The following LRRTM4 variants were observed in gnomAD, a reference collection of about 807,000 sequenced individuals.
The protein encoded by LRRTM4 is leucine rich repeat transmembrane neuronal 4, also known as leucine-rich repeat transmembrane neuronal protein 4.
A neutral mutation model predicts 47.6 loss-of-function variants in LRRTM4; 25 were observed. The ratio of observed to expected loss-of-function variants is 0.53; its 90% CI spans 0.38 to 0.73. LRRTM4 has a LOEUF of 0.73. Among genes scored for constraint, LRRTM4 ranks in the 30% least tolerant of loss-of-function variants. LRRTM4 has a pLI of 0.00. For missense variants in LRRTM4, 638 were observed against 713.4 expected (o/e 0.89, Z 1.20); for synonymous variants, 311 against 269.5 (o/e 1.15, Z -1.51).
chr2:77,104,010 A>G (rs923503437), intron 3 of LRRTM4, among the ~76,000 whole-genome samples: 1 of 152,190 alleles, frequency 6.6e-6, no homozygotes, highest in Non-Finnish European at 1.5e-5. Context: ...TTTTACTTGA[A>G]TATCTAATAG....
At chr2:76,886,742 A>T (rs773123889) in intron 3 of LRRTM4, among the ~76,000 whole-genome samples, 48 of 152,044 alleles carry the variant, frequency 3.2e-4, no homozygotes, top group Non-Finnish European at 6.5e-4. Flanking sequence ...ATGAAGAAAA[A>T]TATTAAATGC....
chr2:77,203,670 T>C (rs1240311432), intron 3 of LRRTM4, among the ~76,000 whole-genome samples: 3 of 152,150 alleles, frequency 2.0e-5, no homozygotes, highest in Non-Finnish European at 4.4e-5. Flanking sequence ...GCCTTTAAGC[T>C]CTGGAGAGTG....
chr2:77,287,222 G>A (rs955724078), intron 3 of LRRTM4, among the ~76,000 whole-genome samples: 31 of 151,884 alleles, frequency 2.0e-4, no homozygotes, highest in Non-Finnish European at 4.4e-5. Context: ...TTCAGGGAGA[G>A]AACTAGCACT....
At chr2:77,299,598 C>T (rs1302141326) in intron 3 of LRRTM4, among the ~76,000 whole-genome samples, 1 of 151,940 alleles carries the variant, frequency 6.6e-6, no homozygotes, top group Non-Finnish European at 1.5e-5. Flanking sequence ...TAGCAGAACG[C>T]TTGTTTATTT....
intron 3 of LRRTM4, among the ~76,000 whole-genome samples, chr2:76,915,038 C>T (rs17405433): frequency 0.14 from 21,858 of 152,162 alleles, 1,985 homozygotes; most frequent in Admixed American, 0.22. Flanking sequence ...GAGTGCCATT[C>T]AAGCATCAGA....
chr2:77,105,713 A>G (rs1056963705), intron 3 of LRRTM4, among the ~76,000 whole-genome samples: 5 of 152,228 alleles, frequency 3.3e-5, no homozygotes, highest in South Asian at 4.1e-4. Flanking sequence ...TTACAGAAAT[A>G]ATGACAAAAT....
intron 3 of LRRTM4, among the ~76,000 whole-genome samples, chr2:76,872,283 A>T (rs989910799): frequency 6.6e-6 from 1 of 152,150 alleles, no homozygotes; most frequent in Non-Finnish European, 1.5e-5. Flanking sequence ...GATTACAATA[A>T]AACAATATTG....
At chr2:77,051,106 G>A (rs1169232105) in intron 3 of LRRTM4, among the ~76,000 whole-genome samples, 1 of 151,500 alleles carries the variant, frequency 6.6e-6, no homozygotes, top group African/African-American at 2.4e-5. Context: ...ATTTGGTAAT[G>A]TCTGCAGATA....
intron 3 of LRRTM4, among the ~76,000 whole-genome samples, chr2:77,467,679 C>T (rs1046652894): frequency 6.6e-6 from 1 of 152,058 alleles, no homozygotes; most frequent in Non-Finnish European, 1.5e-5. Flanking sequence ...TGAGTTCATA[C>T]GTAATGTTAA....
intron 3 of LRRTM4, among the ~76,000 whole-genome samples, chr2:77,144,609 C>T (rs1050237183): frequency 1.3e-5 from 2 of 152,160 alleles, no homozygotes; most frequent in Admixed American, 6.5e-5. Flanking sequence ...TAAAGGACCT[C>T]TGCACTAGAA....
chr2:77,398,392 A>G (rs13426186), intron 3 of LRRTM4, among the ~76,000 whole-genome samples: 4,471 of 152,018 alleles, frequency 0.029, 80 homozygotes, highest in South Asian at 0.074. Context: ...CATATTGCAT[A>G]TTACATCTCA....
intron 3 of LRRTM4, among the ~76,000 whole-genome samples, chr2:76,837,272 CTTTTT>C (rs199969020): frequency 0.12 from 18,066 of 151,932 alleles, 1,195 homozygotes; most frequent in Non-Finnish European, 0.14. Context: ...ATTCTTCTCT[CTTTTT>C]TTATTAGTCT....
chr2:77,370,246 G>T (rs893626292), intron 3 of LRRTM4, among the ~76,000 whole-genome samples: 1 of 151,520 alleles, frequency 6.6e-6, no homozygotes, highest in African/African-American at 2.4e-5. Flanking sequence ...CAGAGAGATG[G>T]ACTCCCCTAA....
intron 3 of LRRTM4, among the ~76,000 whole-genome samples, chr2:77,277,739 GTGAACTTTACAAATGACTCACACCA>G (rs1676401133): frequency 6.6e-6 from 1 of 151,932 alleles, no homozygotes; most frequent in Non-Finnish European, 1.5e-5. Context: ...CTCATTCGTA[GTGAACTTTACAAATGACTCACACCA>G]TACATGACTT....
intron 3 of LRRTM4, among the ~76,000 whole-genome samples, chr2:76,934,010 G>C (rs913753079): frequency 6.6e-6 from 1 of 152,066 alleles, no homozygotes; most frequent in Non-Finnish European, 1.5e-5. Context: ...TCAAGTCAGT[G>C]GCTAAGACGT....
intron 3 of LRRTM4, among the ~76,000 whole-genome samples, chr2:77,237,364 T>C (rs1246981361): frequency 6.6e-6 from 1 of 152,062 alleles, no homozygotes; most frequent in African/African-American, 2.4e-5. Flanking sequence ...TTTCTGTGGA[T>C]CTTTTGTATT....
chr2:77,228,019 G>C (rs191682122), intron 3 of LRRTM4, among the ~76,000 whole-genome samples: 1 of 151,970 alleles, frequency 6.6e-6, no homozygotes, highest in East Asian at 1.9e-4. Flanking sequence ...AAAATACAAA[G>C]GGAATGAGAT....
In LRRTM4 at chr2:77,519,837, C is replaced by A. The variant is rs1479336871; in HGVS notation, c.32G>T (p.Gly11Val). MGFHLITQLKGMSVVLVLLPT... is the reference protein window; with the variant it reads MGFHLITQLKVMSVVLVLLPT... The stretch of plus-strand genomic sequence containing the variant: ...AAGTAGCACCAGCACCACACTCATG[C>A]CTTTCAGCTGCGTAATTAAATGGAA... The change falls in exon 3 of 4, where the codon GGC becomes GTC. Residue 11 changes from glycine (G) to valine (V), a missense_variant. Physicochemically the swap from Gly to Val is moderately radical, Grantham distance 109. Coordinates refer to ENST00000409884, the MANE Select transcript of LRRTM4 (RefSeq NM_001134745.3). The surrounding 1 kb of genome is among the most constrained non-coding windows in gnomAD (Gnocchi z 4.6). 1 of 1,607,096 alleles carries A rather than the reference C, an allele frequency of 6.2e-7. No homozygotes were observed. Among genetic ancestry groups the A allele is most frequent in the Non-Finnish European group, 8.5e-7 (1 of 1,176,250 alleles).
At chr2:76,983,441 T>C (rs942078065) in intron 3 of LRRTM4, among the ~76,000 whole-genome samples, 10 of 151,958 alleles carry the variant, frequency 6.6e-5, no homozygotes, top group Admixed American at 3.3e-4. Flanking sequence ...TGAATAAGTC[T>C]CAGGAGATTT....
Sources: gnomAD v4.1 joint callset for allele counts (sites outside exome capture counted in the v4.1 genomes callset) on GRCh38, gnomAD v4.1.1 for gene constraint, Gnocchi (gnomAD v3.1) non-coding constraint, MANE v1.5 for transcripts, NCBI Gene and HGNC (gene_info 2026-07-23, HGNC 2026-07-21) for gene names.